Variants in HSPA9 observed in about 807,000 individuals in gnomAD.
HSPA9 encodes the protein heat shock protein family A (Hsp70) member 9, also known as stress-70 protein, mitochondrial.
A neutral mutation model predicts 81.5 loss-of-function variants in HSPA9; 28 were observed. The observed-to-expected ratio is 0.34, with a 90% confidence interval of 0.25 to 0.47. The LOEUF (loss-of-function observed/expected upper bound fraction) is 0.47. Ranked by LOEUF, HSPA9 falls within the 20% of genes least tolerant of loss-of-function variation. The probability of loss-of-function intolerance (pLI) is 1.00; values close to 1 mark genes in which losing one functional copy is unlikely to be tolerated. For missense variants in HSPA9, 678 were observed against 838.0 expected (o/e 0.81, Z 2.36); for synonymous variants, 293 against 290.4 (o/e 1.01, Z -0.09).
Position 138,556,461 on chromosome 5 carries a change from T to A in HSPA9, c.1953A>T (p.Ala651=). ...QQASLKLFEM[A]YKKMASEREG... ...ACTTCAGCCCTTGTACCTTTTTGTA[T>A]GCCATTTCGAACAGCTTCAGTGATG... Residue 651 remains alanine, a synonymous_variant, in exon 16 of 17, where the codon GCA becomes GCT. Coordinates refer to ENST00000297185, the MANE Select transcript of HSPA9 (RefSeq NM_004134.7). The A allele has an allele frequency of 6.2e-7, 1 of 1,613,804 alleles. No homozygotes were observed. Among genetic ancestry groups the A allele is most frequent in the South Asian group, 1.1e-5 (1 of 91,080 alleles).
At chr5:138,567,593 A>G (rs1750793320) in intron 6 of HSPA9, 32 bp from the exon 7 acceptor site, 1 of 1,606,788 alleles carries the variant, frequency 6.2e-7, no homozygotes, top group Admixed American at 1.7e-5. Context: ...ACATTTTTGT[A>G]CCCTTCCATC....
intron 9 of HSPA9, 75 bp downstream of exon 9, chr5:138,566,551 A>C (rs1580746948): frequency 9.3e-7 from 1 of 1,077,946 alleles, no homozygotes; most frequent in East Asian, 2.4e-5. Flanking sequence ...TAGGCCAATT[A>C]GAAAATACTA....
At position 138,557,413 on chromosome 5, in the gene HSPA9, G is replaced by A. The variant is rs147723579; in HGVS notation, c.1717C>T (p.Arg573Trp). ...KNAEKYAEED[R>W]RKKERVEAVN... is the part of the protein sequence containing the mutation. ...CAAGAAGTAATCACCTTCTTTCGCC[G>A]GTCTTCTTCAGCATATTTCTCTGCA... The change falls in exon 14 of 17, where the codon CGG (arginine) becomes TGG (tryptophan). Residue 573 changes from arginine (R) to tryptophan (W), a missense_variant. Arg to Trp is a moderately radical substitution (Grantham distance 101, BLOSUM62 -3). This residue lies in a region of HSPA9 where 484 missense variants were observed against 647.5 expected (regional missense o/e 0.75). Coordinates refer to ENST00000297185, the MANE Select transcript of HSPA9 (RefSeq NM_004134.7). 138 of 1,603,530 alleles carry A rather than the reference G, an allele frequency of 8.6e-5. No individual in the cohort carries two copies. The highest frequency in any genetic ancestry group is 2.9e-4 in the East Asian group (13 of 44,866).
chr5:138,568,139 C>T (rs545419203), intron 5 of HSPA9, among the ~76,000 whole-genome samples: 2 of 148,540 alleles, frequency 1.3e-5, no homozygotes, highest in East Asian at 2.0e-4. Flanking sequence ...GAGACAAGAT[C>T]GCACCACTGC....
intron 1 of HSPA9, among the ~76,000 whole-genome samples, chr5:138,574,537 G>C (rs931833374): frequency 1.3e-5 from 2 of 152,176 alleles, no homozygotes; most frequent in Non-Finnish European, 2.9e-5. Flanking sequence ...AAGAACTAGA[G>C]TTACTAAGGG....
chr5:138,567,872 A>G (rs1010791086), intron 5 of HSPA9, 150 bp from the exon 6 acceptor site: 3 of 704,742 alleles, frequency 4.3e-6, no homozygotes, highest in African/African-American at 3.5e-5. Context: ...AAACACTCCA[A>G]GTAAATACAC....
chr5:138,572,559 C>T (rs748223844), intron 3 of HSPA9, among the ~76,000 whole-genome samples: 1 of 152,156 alleles, frequency 6.6e-6, no homozygotes, highest in Non-Finnish European at 1.5e-5. Context: ...TCTGTACATG[C>T]AACCTTTATT....
chr5:138,557,271 G>C, intron 14 of HSPA9, 131 bp downstream of exon 14: 2 of 733,342 alleles, frequency 2.7e-6, no homozygotes, highest in Non-Finnish European at 5.0e-6. Context: ...GGCTTCAAAC[G>C]ATCTGCCCAC....
rs142315361 is a variant in HSPA9, at chr5:138,557,748, A to G, written c.1633+121T>C. The stretch of plus-strand genomic sequence containing the variant: ...CAGTGCCTGTTTGTGGGGAATAAAC[A>G]TTACACTTGTACAAGTAAATCTGAT... On this transcript the variant is annotated intron_variant, in intron 13 of 16. Coordinates refer to ENST00000297185, the MANE Select transcript of HSPA9 (RefSeq NM_004134.7). 4.4e-4 allele frequency: 358 copies of G among 809,950 alleles called. 4 individuals are homozygous for G. The East Asian group carries it at 8.6e-3, about 19-fold the overall frequency. The allele number at this position is 809,950 out of a possible 1,614,324, so 50.2% of individuals were successfully genotyped here. A position where few individuals can be genotyped will look rare whatever the true frequency, so the allele number is the denominator to read the frequency against.
chr5:138,566,221 C>CAA (rs1190644456), intron 9 of HSPA9, among the ~76,000 whole-genome samples: 107 of 141,590 alleles, frequency 7.6e-4, no homozygotes, highest in African/African-American at 2.7e-3. Flanking sequence ...AAAAGACACT[C>CAA]AGAGACTCTC....
intron 10 of HSPA9, 96 bp downstream of exon 10, chr5:138,561,483 AC>A (rs1750659875): frequency 2.2e-6 from 2 of 896,818 alleles, no homozygotes; most frequent in Non-Finnish European, 1.8e-6. Flanking sequence ...CTTTTAGGTC[AC>A]CCCAGCAGAA....
At position 138,571,076 on chromosome 5, in the gene HSPA9, C is replaced by T; in HGVS notation, c.294G>A (p.Glu98=). ...PSVVAFTADG[E]RLVGMPAKRQ... ...GCTTGGCCGGCATTCCAACAAGTCG[C>T]TCACCATCTGCTGTAAAGGCCACAA... Residue 98 remains glutamate (E), a synonymous_variant, in exon 4 of 17, where the codon GAG becomes GAA. Coordinates refer to ENST00000297185, the MANE Select transcript of HSPA9 (RefSeq NM_004134.7). 1 of 1,614,210 alleles carries T rather than the reference C, an allele frequency of 6.2e-7. No individual in the cohort carries two copies. Among genetic ancestry groups the T allele is most frequent in the South Asian group, 1.1e-5 (1 of 91,086 alleles).
At position 138,575,379 on chromosome 5, in the gene HSPA9, G is replaced by T. The variant is rs112064274; in HGVS notation, c.-61C>A. 2 of 1,405,638 alleles carry T rather than the reference G, an allele frequency of 1.4e-6. No homozygotes were observed. The highest frequency in any genetic ancestry group is 4.6e-5 in the East Asian group (2 of 43,524). 87.1% of individuals were successfully genotyped at this position (1,405,638 alleles called of 1,614,324 possible). A position where few individuals can be genotyped will look rare whatever the true frequency, so the allele number is the denominator to read the frequency against. On this transcript the variant is annotated 5_prime_UTR_variant, in exon 1 of 17. Transcript: ENST00000297185. ...GCGCTCCGACGGCAAAGAGCTGCGC[G>T]ATGCGGTGGCGGCAGCGCTTCTGGA...
Position 138,559,445 on chromosome 5 carries a change from C to T in HSPA9, c.1410+419G>A, listed in dbSNP as rs41295743. On this transcript the variant is annotated intron_variant, in intron 11 of 16. Coordinates refer to ENST00000297185, the MANE Select transcript of HSPA9 (RefSeq NM_004134.7). ...CAAGAACAAGCCATGTCCAAGTAGCCCTGCTTGGTATCTCGGCACCCTCAT... is the reference window on the plus strand; with the variant it reads ...CAAGAACAAGCCATGTCCAAGTAGCTCTGCTTGGTATCTCGGCACCCTCAT... 2.6e-4 allele frequency among the ~76,000 whole-genome samples: 39 copies of T among 152,224 alleles called. No individual in the cohort carries two copies. In the East Asian group the frequency reaches 6.4e-3, roughly 25 times the overall value.
intron 9 of HSPA9, among the ~76,000 whole-genome samples, chr5:138,563,441 C>A (rs1423736004): frequency 6.6e-6 from 1 of 152,194 alleles, no homozygotes; most frequent in Admixed American, 6.5e-5. Context: ...TCACAATGTT[C>A]TTTCCTTACC....
chr5:138,555,028 T>G lies in HSPA9; in HGVS notation c.*1009A>C, dbSNP rs745717177. On this transcript the variant is annotated 3_prime_UTR_variant, in exon 17 of 17. Coordinates refer to ENST00000297185, the MANE Select transcript of HSPA9 (RefSeq NM_004134.7). ...GCAACCTGAAAATAGCCACCTTGGT[T>G]TTCATGTTAGAGATCTAAAAACTTT... 4 of 142,324 alleles carry G rather than the reference T, an allele frequency of 2.8e-5. No individual in the cohort carries two copies. The highest frequency in any genetic ancestry group is 5.9e-5 in the Non-Finnish European group (4 of 67,912). The allele number at this position is 142,324 out of a possible 1,614,324, so 8.8% of individuals were successfully genotyped here. A position where few individuals can be genotyped will look rare whatever the true frequency, so the allele number is the denominator to read the frequency against.
intron 5 of HSPA9, among the ~76,000 whole-genome samples, chr5:138,568,453 G>A (rs1335727931): frequency 6.6e-6 from 1 of 152,188 alleles, no homozygotes; most frequent in Non-Finnish European, 1.5e-5. Flanking sequence ...GCTTTGGTGA[G>A]CCGAGATTGT....
intron 12 of HSPA9, 134 bp downstream of exon 12, chr5:138,558,419 T>C (rs1008672515): frequency 1.1e-5 from 8 of 722,780 alleles, no homozygotes; most frequent in Non-Finnish European, 1.0e-5. Flanking sequence ...GGGTATCTAG[T>C]TGCATCCCTT....
At chr5:138,561,007 T>G (rs771905051) in intron 10 of HSPA9, 29 of 478,596 alleles carry the variant, frequency 6.1e-5, no homozygotes, top group South Asian at 3.8e-4. Context: ...ATAATCCTAT[T>G]TAGGCTACCA....
Sources: allele counts gnomAD v4.1 joint callset (sites outside exome capture counted in the v4.1 genomes callset), GRCh38; gene constraint gnomAD v4.1.1; regional missense constraint gnomAD v4.1.1; transcripts MANE v1.5; gene names NCBI Gene and HGNC (gene_info 2026-07-23, HGNC 2026-07-21).